ZNF577: variants seen among roughly 807,000 people sequenced by gnomAD.
ZNF577 encodes zinc finger protein 577.
ZNF577 carries 14 observed loss-of-function variants against 13.9 expected under a neutral mutation model. That is an observed-to-expected ratio of 1.00 (90% CI 0.66 to 1.57). ZNF577 has a LOEUF of 1.57. ZNF577 is among the 40% of genes most tolerant of loss of function. The probability of loss-of-function intolerance (pLI) is 0.00; values close to 1 mark genes in which losing one functional copy is unlikely to be tolerated. For synonymous variants in ZNF577, 203 were observed against 202.9 expected (o/e 1.00, Z 0.00); for missense variants, 555 against 579.2 (o/e 0.96, Z 0.43).
chr19:51,875,121 C>A (rs2084735965), intron 5 of ZNF577, among the ~76,000 whole-genome samples: 1 of 152,114 alleles, frequency 6.6e-6, no homozygotes, highest in East Asian at 1.9e-4. Context: ...GTAGTCCCAG[C>A]ACTTTGGGAG....
rs922932118 is a variant in ZNF577 at position 51,887,654 on chromosome 19, C to G, written c.-1052G>C. ...AACGAAGACCTCCCAAGCACTGGTT[C>G]CAATGCGGAGACCATGGGCTCCCAG... On this transcript the variant is annotated 5_prime_UTR_variant, in exon 1 of 6. Coordinates refer to ENST00000638348, the MANE Select transcript of ZNF577 (RefSeq NM_001370449.1). 6.6e-6 allele frequency: 1 copy of G among 152,216 alleles called. No individual in the cohort carries two copies. The highest frequency in any genetic ancestry group is 1.5e-5 in the Non-Finnish European group (1 of 68,058). 9.4% of individuals were successfully genotyped at this position (152,216 alleles called of 1,614,324 possible). A position where few individuals can be genotyped will look rare whatever the true frequency, so the allele number is the denominator to read the frequency against.
At chr19:51,813,921 C>T (rs1179699438) in intron 9 of ZNF577, among the ~76,000 whole-genome samples, 12 of 152,152 alleles carry the variant, frequency 7.9e-5, no homozygotes, top group Admixed American at 2.0e-4. Context: ...CTGGAGGGCC[C>T]GTTGATGTGA....
intron 9 of ZNF577, among the ~76,000 whole-genome samples, chr19:51,818,849 A>G (rs1568431565): frequency 6.6e-6 from 1 of 152,178 alleles, no homozygotes; most frequent in Non-Finnish European, 1.5e-5. Context: ...GAAGCCATAG[A>G]AGAGTGCTGA....
intron 9 of ZNF577, among the ~76,000 whole-genome samples, chr19:51,818,721 G>A (rs182993329): frequency 3.3e-5 from 5 of 152,306 alleles, no homozygotes; most frequent in Admixed American, 6.5e-5. Flanking sequence ...GCATGGTCAG[G>A]GAATCAAGGA....
At chr19:51,865,943 C>A (rs906383369), downstream of ZNF577, among the ~76,000 whole-genome samples, 2 of 151,982 alleles carry the variant, frequency 1.3e-5, no homozygotes, top group African/African-American at 4.8e-5. Flanking sequence ...GGTAAAACCC[C>A]AGCTCTACTA....
chr19:51,848,393 C>G (rs938617382), intron 5 of ZNF577, among the ~76,000 whole-genome samples: 3 of 152,140 alleles, frequency 2.0e-5, no homozygotes, highest in African/African-American at 7.2e-5. Flanking sequence ...GGGAATATAC[C>G]CAAAGGAAAT....
At chr19:51,810,622 G>C (rs926514249) in intron 10 of ZNF577, among the ~76,000 whole-genome samples, 1 of 152,148 alleles carries the variant, frequency 6.6e-6, no homozygotes, top group African/African-American at 2.4e-5. Flanking sequence ...GTTTAGCCTG[G>C]TCTGCACACA....
intron 9 of ZNF577, among the ~76,000 whole-genome samples, chr19:51,828,431 T>C (rs1300510537): frequency 6.6e-6 from 1 of 151,694 alleles, no homozygotes; most frequent in Admixed American, 6.6e-5. Context: ...AAAACCTAGA[T>C]AGGAGAGCCA....
intron 5 of ZNF577, among the ~76,000 whole-genome samples, chr19:51,875,193 C>G (rs2084737635): frequency 6.8e-6 from 1 of 147,218 alleles, no homozygotes; most frequent in African/African-American, 2.6e-5. Flanking sequence ...CCTGTCTCTA[C>G]TAAAAATACA....
chr19:51,837,581 CATT>C (rs2084295003), intron 9 of ZNF577, among the ~76,000 whole-genome samples: 1 of 152,170 alleles, frequency 6.6e-6, no homozygotes, highest in Non-Finnish European at 1.5e-5. Flanking sequence ...ATCTCAAAAG[CATT>C]ATGCTAAGTG....
At chr19:51,822,766 A>G (rs917557998) in intron 9 of ZNF577, among the ~76,000 whole-genome samples, 2 of 152,226 alleles carry the variant, frequency 1.3e-5, no homozygotes, top group African/African-American at 4.8e-5. Flanking sequence ...ACGGATGCTA[A>G]GTAGGGACAA....
chr19:51,844,302 T>A lies in ZNF577; in HGVS notation c.*154+456A>T, dbSNP rs138075797. On this transcript the variant is annotated intron_variant and NMD_transcript_variant, in intron 6 of 10. Coordinates refer to the ZNF577 transcript ENST00000638827. ...GCTGTGCCTTTTATATCTCCCACAT[T>A]TCCTTAAAGATTACTGTTCACTGGG... Among the ~76,000 whole-genome samples the A allele has an allele frequency of 1.1e-4, 16 of 152,258 alleles. No homozygotes were observed. The East Asian group carries it at 2.7e-3, about 26-fold the overall frequency.
rs1214495164 is a variant in ZNF577 at position 51,860,929 on chromosome 19, G to T, written c.284-15998C>A. ...CTGCAATGAGGTGTGATTCTTCTTA[G>T]CTTTCCTGCATTCCCTCCATCTGTA... On this transcript the variant is annotated intron_variant and NMD_transcript_variant, in intron 5 of 10. Coordinates refer to the ZNF577 transcript ENST00000638827. The T allele has an allele frequency of 2.4e-5, 10 of 418,122 alleles. No homozygotes were observed. The Admixed American group carries it at 3.0e-4, about 13-fold the overall frequency. 25.9% of individuals were successfully genotyped at this position (418,122 alleles called of 1,614,324 possible).
chr19:51,814,744 C>T (rs1020444155), intron 9 of ZNF577, among the ~76,000 whole-genome samples: 3 of 152,202 alleles, frequency 2.0e-5, no homozygotes, highest in Middle Eastern at 3.4e-3. Context: ...CTGCCCACCT[C>T]GGCCTCCCAA....
chr19:51,874,700 C>G (rs921230307), intron 5 of ZNF577, among the ~76,000 whole-genome samples: 2 of 152,022 alleles, frequency 1.3e-5, no homozygotes, highest in African/African-American at 4.8e-5. Context: ...TTGACAGTTC[C>G]AAAACATGAC....
intron 10 of ZNF577, among the ~76,000 whole-genome samples, chr19:51,805,717 C>G (rs144526787): frequency 6.6e-6 from 1 of 152,156 alleles, no homozygotes; most frequent in Non-Finnish European, 1.5e-5. Flanking sequence ...CAATTCTCTA[C>G]GTACTGAGCC....
At chr19:51,837,462 C>T (rs1417727227) in intron 9 of ZNF577, among the ~76,000 whole-genome samples, 2 of 152,182 alleles carry the variant, frequency 1.3e-5, no homozygotes, top group African/African-American at 4.8e-5. Flanking sequence ...GACCTCTAGA[C>T]AGCAAATGGC....
intron 9 of ZNF577, among the ~76,000 whole-genome samples, chr19:51,813,279 A>G (rs1262601603): frequency 6.6e-6 from 1 of 152,152 alleles, no homozygotes; most frequent in African/African-American, 2.4e-5. Flanking sequence ...GAGTCCTCAC[A>G]TGGTAAAAGG....
In ZNF577 at chr19:51,832,305, T is replaced by G. The variant is rs140569295; in HGVS notation, c.*599+7588A>C. ...GCAATGTGATGATCTGCTCTATTTTTTTTTAATTTGTATTGAGTCTAAAGC... is the reference window on the plus strand; with the variant it reads ...GCAATGTGATGATCTGCTCTATTTTGTTTTAATTTGTATTGAGTCTAAAGC... On this transcript the variant is annotated intron_variant and NMD_transcript_variant, in intron 9 of 10. Coordinates refer to the ZNF577 transcript ENST00000638827. Among the ~76,000 whole-genome samples, 332 of 152,300 alleles carry G rather than the reference T, an allele frequency of 2.2e-3. 1 individual carries two copies. Among genetic ancestry groups the G allele is most frequent in the African/African-American group, 7.7e-3 (322 of 41,580 alleles).
Sources: allele counts gnomAD v4.1 joint callset (sites outside exome capture counted in the v4.1 genomes callset), GRCh38; gene constraint gnomAD v4.1.1; transcripts MANE v1.5; gene names NCBI Gene and HGNC (gene_info 2026-07-23, HGNC 2026-07-21).